The following ANKS1B variants were observed in gnomAD, a reference collection of about 807,000 sequenced individuals.
ANKS1B encodes the protein ankyrin repeat and sterile alpha motif domain containing 1B.
ANKS1B carries 36 observed loss-of-function variants against 148.3 expected under a neutral mutation model. The ratio of observed to expected loss-of-function variants is 0.24; its 90% confidence interval spans 0.19 to 0.32. The LOEUF (loss-of-function observed/expected upper bound fraction) is 0.32, where lower values mean the gene tolerates loss of function less well. Among genes scored for constraint, ANKS1B ranks in the 10% least tolerant of loss-of-function variants. The probability of loss-of-function intolerance (pLI) is 1.00; values close to 1 mark genes in which losing one functional copy is unlikely to be tolerated. For missense variants in ANKS1B, 1,157 were observed against 1,542.6 expected, an observed-to-expected ratio of 0.75 and a Z score of 4.19; for synonymous variants, 542 against 560.8, an observed-to-expected ratio of 0.97 and a Z score of 0.47.
intron 1 of ANKS1B, among the ~76,000 whole-genome samples, chr12:99,859,948 G>A (rs891998222): frequency 3.3e-5 from 5 of 152,088 alleles, no homozygotes; most frequent in African/African-American, 4.8e-5. Context: ...GCGCCCGGCC[G>A]AAAGTATTTT....
intron 11 of ANKS1B, among the ~76,000 whole-genome samples, chr12:99,400,151 T>C (rs904327257): frequency 2.0e-5 from 3 of 152,166 alleles, no homozygotes; most frequent in African/African-American, 7.2e-5. Flanking sequence ...AACTAACATT[T>C]ATTAAGCATC....
chr12:99,315,557 A>G (rs746538189), intron 12 of ANKS1B, among the ~76,000 whole-genome samples: 2 of 151,954 alleles, frequency 1.3e-5, no homozygotes, highest in Admixed American at 1.3e-4. Context: ...ATTTTTTTCT[A>G]TAAGTTTTAT....
At chr12:99,634,518 T>C (rs10778000) in intron 9 of ANKS1B, among the ~76,000 whole-genome samples, 100,031 of 152,058 alleles carry the variant, frequency 0.66, 33,099 homozygotes, top group African/African-American at 0.73. Context: ...ATCTATTTAA[T>C]GCATAAAAAG....
At chr12:99,308,492 T>C (rs2082658055) in intron 12 of ANKS1B, among the ~76,000 whole-genome samples, 1 of 152,076 alleles carries the variant, frequency 6.6e-6, no homozygotes, top group Non-Finnish European at 1.5e-5. Flanking sequence ...TTCCATGTCA[T>C]TATCATTTGT....
At chr12:99,098,651 TTTTTTTTTTA>T in intron 15 of ANKS1B, among the ~76,000 whole-genome samples, 1 of 128,856 alleles carries the variant, frequency 7.8e-6, no homozygotes, top group African/African-American at 3.1e-5. Flanking sequence ...TTTTTTTTTT[TTTTTTTTTTA>T]GAACATAGCA....
At chr12:99,101,000 AAG>A (rs949402866) in intron 15 of ANKS1B, among the ~76,000 whole-genome samples, 2 of 152,234 alleles carry the variant, frequency 1.3e-5, no homozygotes, top group African/African-American at 4.8e-5. Context: ...TGCTTGAAGC[AAG>A]AGAGAGAAGG....
intron 9 of ANKS1B, among the ~76,000 whole-genome samples, chr12:99,634,915 C>T (rs1284297370): frequency 1.3e-5 from 2 of 152,084 alleles, no homozygotes; most frequent in African/African-American, 4.8e-5. Flanking sequence ...ACTCCTACAA[C>T]TCAACAAAAT....
At chr12:98,926,815 T>C (rs2099808913) in intron 17 of ANKS1B, among the ~76,000 whole-genome samples, 1 of 149,904 alleles carries the variant, frequency 6.7e-6, no homozygotes, top group Non-Finnish European at 1.5e-5. Context: ...CCAATTGAGA[T>C]GAATAAATAG....
At chr12:99,875,930 G>T (rs2092000909) in intron 1 of ANKS1B, among the ~76,000 whole-genome samples, 1 of 152,210 alleles carries the variant, frequency 6.6e-6, no homozygotes, top group African/African-American at 2.4e-5. Flanking sequence ...GATGTAGGAA[G>T]CAGTCGCATT....
intron 8 of ANKS1B, among the ~76,000 whole-genome samples, chr12:99,735,635 G>A (rs1248329705): frequency 6.6e-6 from 1 of 151,720 alleles, no homozygotes; most frequent in African/African-American, 2.4e-5. Context: ...CTCCCAACAA[G>A]GAAAGGCTTG....
intron 14 of ANKS1B, among the ~76,000 whole-genome samples, chr12:99,156,295 C>G (rs1042524400): frequency 2.6e-5 from 4 of 152,154 alleles, no homozygotes; most frequent in Non-Finnish European, 5.9e-5. Flanking sequence ...ATTTTGTTCT[C>G]ATAGTTCAGG....
chr12:99,752,197 T>A (rs2061167380), intron 8 of ANKS1B, among the ~76,000 whole-genome samples: 1 of 151,982 alleles, frequency 6.6e-6, no homozygotes, highest in Non-Finnish European at 1.5e-5. Context: ...GATTAAAATA[T>A]AGCTATTTCT....
At chr12:99,214,120 T>C (rs1297260584) in intron 14 of ANKS1B, among the ~76,000 whole-genome samples, 1 of 145,542 alleles carries the variant, frequency 6.9e-6, no homozygotes. Context: ...GGCATAAGAT[T>C]CAAAAAAAAA....
intron 17 of ANKS1B, among the ~76,000 whole-genome samples, chr12:98,982,392 T>C (rs540225201): frequency 7.9e-4 from 121 of 152,280 alleles, no homozygotes; most frequent in Non-Finnish European, 1.1e-3. Context: ...ACTACAATGA[T>C]CATCTGTGTG....
chr12:99,757,935 G>T (rs2061720823), intron 8 of ANKS1B, among the ~76,000 whole-genome samples: 1 of 151,964 alleles, frequency 6.6e-6, no homozygotes, highest in Admixed American at 6.6e-5. Flanking sequence ...GGGGTCTACT[G>T]AAGGGTTGTG....
At chr12:99,861,018 C>A (rs115586870) in intron 1 of ANKS1B, among the ~76,000 whole-genome samples, 2,215 of 152,298 alleles carry the variant, frequency 0.015, 62 homozygotes, top group African/African-American at 0.05. Context: ...ATATCTGAGT[C>A]TCAGCCAATC....
chr12:99,608,238 G>A (rs1219273779), intron 9 of ANKS1B, among the ~76,000 whole-genome samples: 1 of 152,008 alleles, frequency 6.6e-6, no homozygotes, highest in Non-Finnish European at 1.5e-5. Flanking sequence ...GTCTTTGTGT[G>A]CATGGGTGTG....
intron 17 of ANKS1B, among the ~76,000 whole-genome samples, chr12:98,909,203 T>G (rs116079147): frequency 6.6e-6 from 1 of 152,188 alleles, no homozygotes; most frequent in Non-Finnish European, 1.5e-5. Context: ...TATATGTATA[T>G]TCTGTTTGGT....
chr12:99,728,844 C>CCTAA (rs772070677), intron 8 of ANKS1B, among the ~76,000 whole-genome samples: 1 of 152,074 alleles, frequency 6.6e-6, no homozygotes, highest in African/African-American at 2.4e-5. Flanking sequence ...TGGAAGCCAT[C>CCTAA]CTAACTAACT....
Sources: allele counts gnomAD v4.1 joint callset (sites outside exome capture counted in the v4.1 genomes callset), GRCh38; gene constraint gnomAD v4.1.1; transcripts MANE v1.5; gene names NCBI Gene and HGNC (gene_info 2026-07-23, HGNC 2026-07-21).